Variants in ARPP21 observed in about 807,000 individuals in gnomAD.
ARPP21 encodes cAMP-regulated phosphoprotein 21.
In ARPP21, 69 loss-of-function variants were observed where a neutral mutation model predicts 113.2. That is an observed-to-expected ratio of 0.61 (90% CI 0.50 to 0.74). ARPP21 has a LOEUF of 0.74. Ranked by LOEUF, ARPP21 falls within the 30% of genes least tolerant of loss-of-function variation. The pLI is 0.00. For missense variants in ARPP21, 1,070 were observed against 1,037.4 expected, an observed-to-expected ratio of 1.03 and a Z score of -0.43; for synonymous variants, 368 against 375.5, an observed-to-expected ratio of 0.98 and a Z score of 0.23.
At chr3:35,754,443 T>A (rs2095506244) in intron 19 of ARPP21, among the ~76,000 whole-genome samples, 1 of 151,900 alleles carries the variant, frequency 6.6e-6, no homozygotes, top group African/African-American at 2.4e-5. Context: ...TCTATTAACA[T>A]CAGTGGGAGG....
chr3:35,770,836 A>G (rs1576858865), intron 19 of ARPP21, among the ~76,000 whole-genome samples: 3 of 152,346 alleles, frequency 2.0e-5, no homozygotes, highest in South Asian at 2.1e-4. Flanking sequence ...GTTGAGAATC[A>G]CTGCAGTAAT....
At chr3:35,660,056 C>T in intron 1 of ARPP21, among the ~76,000 whole-genome samples, 1 of 152,136 alleles carries the variant, frequency 6.6e-6, no homozygotes, top group East Asian at 1.9e-4. Flanking sequence ...ATGTTCTAGC[C>T]CTGACAAGCC....
At chr3:35,739,837 ACAGAGAC>A (rs1369652901) in intron 18 of ARPP21, among the ~76,000 whole-genome samples, 1 of 152,222 alleles carries the variant, frequency 6.6e-6, no homozygotes, top group African/African-American at 2.4e-5. Flanking sequence ...GGCTGCTGGT[ACAGAGAC>A]CATAAGAAAG....
intron 9 of ARPP21, among the ~76,000 whole-genome samples, chr3:35,706,630 A>C (rs888971433): frequency 1.3e-5 from 2 of 152,242 alleles, no homozygotes; most frequent in African/African-American, 4.8e-5. Flanking sequence ...TATTTGTTTG[A>C]GAATATGGGT....
chr3:35,767,048 C>T (rs540708260), intron 19 of ARPP21, among the ~76,000 whole-genome samples: 16 of 152,230 alleles, frequency 1.1e-4, no homozygotes, highest in South Asian at 4.1e-4. Flanking sequence ...AGTGAAACCA[C>T]TCTGTAAAGA....
intron 1 of ARPP21, among the ~76,000 whole-genome samples, chr3:35,664,895 C>A (rs1380137492): frequency 1.3e-5 from 2 of 152,204 alleles, no homozygotes; most frequent in African/African-American, 4.8e-5. Flanking sequence ...CAGGGAGGGG[C>A]TTCAGAGGAG....
At chr3:35,753,807 C>A (rs955897202) in intron 19 of ARPP21, among the ~76,000 whole-genome samples, 1 of 151,748 alleles carries the variant, frequency 6.6e-6, no homozygotes, top group Non-Finnish European at 1.5e-5. Flanking sequence ...AAGGTTATTG[C>A]CTCTTTAATG....
intron 1 of ARPP21, among the ~76,000 whole-genome samples, chr3:35,649,744 C>A (rs948135442): frequency 1.3e-5 from 2 of 152,072 alleles, no homozygotes; most frequent in Non-Finnish European, 2.9e-5. Context: ...GAACAGGTGC[C>A]ACCAAGCTAT....
At chr3:35,700,268 C>T (rs985651072) in intron 9 of ARPP21, among the ~76,000 whole-genome samples, 33 of 151,694 alleles carry the variant, frequency 2.2e-4, no homozygotes, top group African/African-American at 8.0e-4. Flanking sequence ...GCTGAAAAGA[C>T]GTAATTGTTT....
intron 19 of ARPP21, among the ~76,000 whole-genome samples, chr3:35,758,199 G>A (rs796468834): frequency 6.6e-6 from 1 of 151,918 alleles, no homozygotes; most frequent in Non-Finnish European, 1.5e-5. Flanking sequence ...GTGTCTTGTA[G>A]AGAAACAGCA....
At chr3:35,682,614 A>G in intron 3 of ARPP21, 1 of 427,434 alleles carries the variant, frequency 2.3e-6, no homozygotes, top group South Asian at 5.7e-5. Context: ...CCCCTTTCCA[A>G]TAGTTGTTAT....
chr3:35,794,077 T>C lies in ARPP21; in HGVS notation c.*119T>C, dbSNP rs2096796932. Reference sequence around the variant, plus strand: ...CACTCAACACTCAAATGATTGCTGCTGGTATTCTGTAAAAAATAAACAAAG... The same window carrying C: ...CACTCAACACTCAAATGATTGCTGCCGGTATTCTGTAAAAAATAAACAAAG... On this transcript the variant is annotated 3_prime_UTR_variant, in exon 21 of 21. Coordinates refer to ENST00000684406, the MANE Select transcript of ARPP21 (RefSeq NM_001385562.1). 2 of 871,996 alleles carry C rather than the reference T, an allele frequency of 2.3e-6. No homozygotes were observed. Among genetic ancestry groups the C allele is most frequent in the Admixed American group, 2.5e-5 (1 of 39,570 alleles). 54.0% of individuals were successfully genotyped at this position (871,996 alleles called of 1,614,324 possible).
Position 35,737,221 on chromosome 3 carries a change from C to T in ARPP21, c.1503C>T (p.Asn501=). The T allele has an allele frequency of 6.2e-7, 1 of 1,612,750 alleles. No homozygotes were observed. Residue 501 remains asparagine, a synonymous_variant, in exon 16 of 21, where the codon AAC becomes AAT. Coordinates refer to ENST00000684406, the MANE Select transcript of ARPP21 (RefSeq NM_001385562.1). ...CCGATGGAACTCCTGCAATATACAA[C>T]CCACCCACCAGTCAGCAGCCCCTGC... is the stretch of plus-strand genomic sequence containing the variant. ...VNPDGTPAIY[N]PPTSQQPLRS... is the part of the protein sequence containing the mutation.
chr3:35,701,788 A>T (rs1351310243), intron 9 of ARPP21, among the ~76,000 whole-genome samples: 1 of 151,378 alleles, frequency 6.6e-6, no homozygotes, highest in Non-Finnish European at 1.5e-5. Context: ...GACATATACT[A>T]GATGGCCTTA....
At chr3:35,691,095 C>A in intron 9 of ARPP21, 90 bp downstream of exon 9, 1 of 1,347,510 alleles carries the variant, frequency 7.4e-7, no homozygotes, top group South Asian at 1.6e-5. Flanking sequence ...CAGTACATGA[C>A]ATTTAAAATG....
intron 15 of ARPP21, among the ~76,000 whole-genome samples, chr3:35,732,777 C>T (rs1482800265): frequency 1.3e-5 from 2 of 152,150 alleles, no homozygotes; most frequent in East Asian, 1.9e-4. Flanking sequence ...TTTGAGGAGC[C>T]TTTTAGAGCT....
At chr3:35,649,559 T>A (rs1012231340) in intron 1 of ARPP21, among the ~76,000 whole-genome samples, 1 of 152,182 alleles carries the variant, frequency 6.6e-6, no homozygotes, top group Non-Finnish European at 1.5e-5. Flanking sequence ...ACTGGATGTG[T>A]GCCTTTGGAG....
At chr3:35,684,686 C>A in intron 5 of ARPP21, 1 of 985,196 alleles carries the variant, frequency 1.0e-6, no homozygotes, top group Non-Finnish European at 1.2e-6. Flanking sequence ...TGCTTTTTTC[C>A]TCTTACTTTA....
At chr3:35,730,108 A>G (rs1177111629) in intron 15 of ARPP21, among the ~76,000 whole-genome samples, 5 of 152,366 alleles carry the variant, frequency 3.3e-5, no homozygotes, top group Admixed American at 6.5e-5. Flanking sequence ...TAGAAATGTC[A>G]GGCTTAGACT....
Sources: gnomAD v4.1 joint callset for allele counts (sites outside exome capture counted in the v4.1 genomes callset) on GRCh38, gnomAD v4.1.1 for gene constraint, MANE v1.5 for transcripts, NCBI Gene and HGNC (gene_info 2026-07-23, HGNC 2026-07-21) for gene names.